HSD17B13: variants seen among roughly 807,000 people sequenced by gnomAD.
HSD17B13 encodes the protein hydroxysteroid 17-beta dehydrogenase 13.
In HSD17B13, 26 loss-of-function variants were observed where a neutral mutation model predicts 31.1. That is an observed-to-expected ratio of 0.84 (90% CI 0.61 to 1.16). The LOEUF (loss-of-function observed/expected upper bound fraction) is 1.16, where lower values mean the gene tolerates loss of function less well. HSD17B13 is among the 50% of genes most tolerant of loss of function. The pLI is 0.00. For synonymous variants in HSD17B13, 141 were observed against 133.7 expected, an observed-to-expected ratio of 1.05 and a Z score of -0.38; for missense variants, 374 against 366.5, an observed-to-expected ratio of 1.02 and a Z score of -0.17.
At chr4:87,321,789 A>T (rs1734793348) in intron 1 of HSD17B13, among the ~76,000 whole-genome samples, 1 of 152,256 alleles carries the variant, frequency 6.6e-6, no homozygotes, top group Admixed American at 6.5e-5. Flanking sequence ...AGCAAAGAAC[A>T]TGAGAAAGTA....
chr4:87,319,533 C>T (rs895769175), intron 1 of HSD17B13, among the ~76,000 whole-genome samples: 1 of 152,218 alleles, frequency 6.6e-6, no homozygotes, highest in Non-Finnish European at 1.5e-5. Context: ...CAGTAAAGTG[C>T]TAAGTAGTAA....
chr4:87,314,639 T>TCTCTCA (rs1734606637), intron 4 of HSD17B13, among the ~76,000 whole-genome samples: 1 of 134,868 alleles, frequency 7.4e-6, no homozygotes, highest in East Asian at 2.4e-4. Context: ...TCTCTCTCTC[T>TCTCTCA]CTCACACACA....
At chr4:87,313,504 A>G (rs969664435) in intron 5 of HSD17B13, among the ~76,000 whole-genome samples, 3 of 152,080 alleles carry the variant, frequency 2.0e-5, no homozygotes, top group Non-Finnish European at 4.4e-5. Context: ...CACCTTGACT[A>G]AGGAGCTAGA....
rs747613573 is a variant in HSD17B13 at position 87,318,681 on chromosome 4, C to G, written c.211-245G>C. 2.6e-5 allele frequency among the ~76,000 whole-genome samples: 4 copies of G among 151,214 alleles called. No homozygotes were observed. In the East Asian group the frequency reaches 7.9e-4, roughly 30 times the overall value. The stretch of plus-strand genomic sequence containing the variant: ...GGCCTGATGGTGTGGGCCTGTAATC[C>G]CAGCTACTTGGGAGGCTGAGGCAGG... On this transcript the variant is annotated intron_variant, in intron 1 of 6. Coordinates refer to ENST00000328546, the MANE Select transcript of HSD17B13 (RefSeq NM_178135.5).
At chr4:87,312,321 A>T (rs1734547299) in intron 5 of HSD17B13, among the ~76,000 whole-genome samples, 1 of 152,148 alleles carries the variant, frequency 6.6e-6, no homozygotes, top group Admixed American at 6.6e-5. Flanking sequence ...GGTTGTCAGC[A>T]TAATTTCACA....
chr4:87,320,596 C>T (rs976715278), intron 1 of HSD17B13, among the ~76,000 whole-genome samples: 1 of 151,974 alleles, frequency 6.6e-6, no homozygotes, highest in African/African-American at 2.4e-5. Flanking sequence ...ACTGTGTTAT[C>T]CAGGATGGTC....
chr4:87,313,687 G>C, intron 5 of HSD17B13, 136 bp downstream of exon 5: 1 of 682,622 alleles, frequency 1.5e-6, no homozygotes, highest in Non-Finnish European at 2.3e-6. Flanking sequence ...TTAATTTCAA[G>C]ATAATAATAA....
intron 5 of HSD17B13, among the ~76,000 whole-genome samples, chr4:87,312,886 C>A (rs1336897414): frequency 6.6e-6 from 1 of 151,466 alleles, no homozygotes; most frequent in Non-Finnish European, 1.5e-5. Flanking sequence ...ATGGTGAAAC[C>A]CCGTCTCTAC....
chr4:87,315,346 T>A, intron 4 of HSD17B13, 147 bp downstream of exon 4: 1 of 469,712 alleles, frequency 2.1e-6, no homozygotes, highest in Non-Finnish European at 3.8e-6. Context: ...TTTTGTTGCT[T>A]CATTCTTTCC....
At chr4:87,313,138 C>G (rs916755380) in intron 5 of HSD17B13, among the ~76,000 whole-genome samples, 2 of 152,052 alleles carry the variant, frequency 1.3e-5, no homozygotes, top group Middle Eastern at 3.4e-3. Context: ...ATGAAGGACT[C>G]CAGTGGCAGG....
chr4:87,311,099 C>T (rs926649237), intron 5 of HSD17B13, among the ~76,000 whole-genome samples: 1 of 152,150 alleles, frequency 6.6e-6, no homozygotes, highest in African/African-American at 2.4e-5. Flanking sequence ...GACACTTCCA[C>T]CAGCACTATG....
chr4:87,315,669 T>G (rs1476463050), intron 3 of HSD17B13, 70 bp from the exon 4 acceptor site: 1 of 936,336 alleles, frequency 1.1e-6, no homozygotes, highest in African/African-American at 1.6e-5. Context: ...GGTAGTTTTA[T>G]TTTTGTTAAG....
chr4:87,309,957 C>T (rs1003335511), intron 6 of HSD17B13, among the ~76,000 whole-genome samples: 11 of 152,030 alleles, frequency 7.2e-5, no homozygotes, highest in South Asian at 2.1e-4. Context: ...GTCAGGAGTT[C>T]GAGTCCAGCC....
chr4:87,308,613 G>A (rs1480407018), intron 6 of HSD17B13, among the ~76,000 whole-genome samples: 6 of 148,126 alleles, frequency 4.1e-5, no homozygotes, highest in South Asian at 2.1e-4. Flanking sequence ...CCCAGAAGGC[G>A]GAGCTTGCAG....
intron 1 of HSD17B13, among the ~76,000 whole-genome samples, chr4:87,321,569 T>C (rs1734787701): frequency 6.6e-6 from 1 of 152,156 alleles, no homozygotes; most frequent in Admixed American, 6.5e-5. Flanking sequence ...CTTGCTATCT[T>C]CCAGAAAGTT....
intron 5 of HSD17B13, among the ~76,000 whole-genome samples, chr4:87,311,022 T>G (rs577892646): frequency 6.8e-6 from 1 of 146,040 alleles, no homozygotes; most frequent in African/African-American, 2.4e-5. Context: ...AAGATGGTGA[T>G]GAAAGTGACC....
intron 6 of HSD17B13, among the ~76,000 whole-genome samples, chr4:87,308,474 C>A (rs1734440550): frequency 9.7e-6 from 1 of 103,398 alleles, no homozygotes; most frequent in African/African-American, 3.7e-5. Context: ...AGGGTGAAAC[C>A]CCGTCTCTAC....
chr4:87,304,434 A>T lies in HSD17B13; in HGVS notation c.*784T>A, dbSNP rs996675331. ...CAGTTCCTTTTCCTGTGTTAGCTTT[A>T]ATTTTTGAGCCTAAAATTGTCTAAA... On this transcript the variant is annotated 3_prime_UTR_variant, in exon 7 of 7. Coordinates refer to ENST00000328546, the MANE Select transcript of HSD17B13 (RefSeq NM_178135.5). 6.6e-6 allele frequency: 1 copy of T among 152,220 alleles called. No homozygotes were observed. The highest frequency in any genetic ancestry group is 1.5e-5 in the Non-Finnish European group (1 of 68,056). 9.4% of individuals were successfully genotyped at this position (152,220 alleles called of 1,614,324 possible). A position where few individuals can be genotyped will look rare whatever the true frequency, so the allele number is the denominator to read the frequency against.
rs1734727547 is a variant in HSD17B13, at chr4:87,319,285, A to G, written c.211-849T>C. ...CTGGCTTTTCTGCCAGGGAATGCTC[A>G]TATTAAAACCAAAACAAACAAAACA... On this transcript the variant is annotated intron_variant, in intron 1 of 6. Transcript: ENST00000328546. Among the ~76,000 whole-genome samples the G allele has an allele frequency of 2.0e-5, 3 of 150,950 alleles. No individual in the cohort carries two copies. In the Admixed American group the frequency reaches 2.0e-4, roughly 10 times the overall value.
Sources: gnomAD v4.1 joint callset for allele counts (sites outside exome capture counted in the v4.1 genomes callset) on GRCh38, gnomAD v4.1.1 for gene constraint, MANE v1.5 for transcripts, NCBI Gene and HGNC (gene_info 2026-07-23, HGNC 2026-07-21) for gene names.